Variants in UGT1A8 observed in about 807,000 individuals in gnomAD.
UGT1A8 encodes the protein UDP glucuronosyltransferase family 1 member A8, also known as UDP-glucuronosyltransferase 1A8.
A neutral mutation model predicts 45.3 loss-of-function variants in UGT1A8; 39 were observed. That is an observed-to-expected ratio of 0.86 (90% CI 0.67 to 1.12). UGT1A8 has a LOEUF of 1.12. Ranked by LOEUF, UGT1A8 falls within the 50% of genes most tolerant of loss-of-function variation. The pLI is 0.00. For missense variants in UGT1A8, 719 were observed against 664.9 expected (o/e 1.08, Z -0.90); for synonymous variants, 275 against 249.2 (o/e 1.10, Z -0.97).
In UGT1A8 at chr2:233,745,829, T is replaced by C. The variant is rs1012358577; in HGVS notation, c.856-21205T>C. Among the ~76,000 whole-genome samples, 18 of 151,294 alleles carry C rather than the reference T, an allele frequency of 1.2e-4. 1 individual carries two copies. The highest frequency in any genetic ancestry group is 4.2e-4 in the African/African-American group (17 of 40,760). Reference sequence around the variant, plus strand: ...GAGTTTTGAGAGCAAGGCAGAGGACTCTGAATTTTCTTCTGTGCCCAGGAA... The same window carrying C: ...GAGTTTTGAGAGCAAGGCAGAGGACCCTGAATTTTCTTCTGTGCCCAGGAA... On this transcript the variant is annotated intron_variant, in intron 1 of 4. Coordinates refer to ENST00000373450, the MANE Select transcript of UGT1A8 (RefSeq NM_019076.5).
chr2:233,667,448 T>G (rs555953711), intron 1 of UGT1A8, among the ~76,000 whole-genome samples: 1 of 152,176 alleles, frequency 6.6e-6, no homozygotes, highest in South Asian at 2.1e-4. Context: ...AACCTAGGCA[T>G]TACCATTCAG....
At chr2:233,755,830 A>G (rs534552982) in intron 1 of UGT1A8, 2 of 152,366 alleles carry the variant, frequency 1.3e-5, no homozygotes, top group South Asian at 4.1e-4. Context: ...AGACATATTC[A>G]TTGGGCAATT....
Position 233,769,931 on chromosome 2 carries a change from C to A in UGT1A8, c.1295+1492C>A, listed in dbSNP as rs1699987343. 1 of 247,432 alleles carries A rather than the reference C, an allele frequency of 4.0e-6. No homozygotes were observed. Among genetic ancestry groups the A allele is most frequent in the Admixed American group, 5.3e-5 (1 of 18,974 alleles). The allele number at this position is 247,432 out of a possible 1,614,324, so 15.3% of individuals were successfully genotyped here. A position where few individuals can be genotyped will look rare whatever the true frequency, so the allele number is the denominator to read the frequency against. On this transcript the variant is annotated intron_variant, in intron 4 of 4. Transcript: ENST00000373450. The surrounding 1 kb of genome is among the most constrained non-coding windows in gnomAD (Gnocchi z 4.4). Reference sequence around the variant, plus strand: ...CCCAGAGCGTTGGGTGGTGTGGTCCCATTCCTTCCTTCCAGCGGCTTCTTC... The same window carrying A: ...CCCAGAGCGTTGGGTGGTGTGGTCCAATTCCTTCCTTCCAGCGGCTTCTTC...
intron 1 of UGT1A8, among the ~76,000 whole-genome samples, chr2:233,737,566 A>G (rs560487651): frequency 6.6e-6 from 1 of 152,226 alleles, no homozygotes; most frequent in South Asian, 2.1e-4. Flanking sequence ...GGATGCACCC[A>G]CTATCCAACC....
At chr2:233,721,820 A>T in intron 1 of UGT1A8, 1 of 516,484 alleles carries the variant, frequency 1.9e-6, no homozygotes, top group Admixed American at 1.9e-5. Context: ...CCAGCACCCT[A>T]TTTGGGCCAC....
At chr2:233,764,278 T>C (rs1698524796) in intron 1 of UGT1A8, among the ~76,000 whole-genome samples, 1 of 152,134 alleles carries the variant, frequency 6.6e-6, no homozygotes, top group Admixed American at 6.5e-5. Flanking sequence ...CTTTGGTCAT[T>C]CCGGTAACTG....
chr2:233,638,645 G>A (rs777908879), intron 1 of UGT1A8, among the ~76,000 whole-genome samples: 3 of 152,084 alleles, frequency 2.0e-5, no homozygotes, highest in Non-Finnish European at 4.4e-5. Context: ...GAAACACCTG[G>A]TGTCTCATCT....
At chr2:233,738,529 A>G (rs1383931470) in intron 1 of UGT1A8, among the ~76,000 whole-genome samples, 2 of 152,226 alleles carry the variant, frequency 1.3e-5, no homozygotes, top group African/African-American at 4.8e-5. Context: ...TGGACAATGA[A>G]GTCCAGGCTG....
chr2:233,693,438 A>G (rs774532563), intron 1 of UGT1A8: 1 of 1,614,088 alleles, frequency 6.2e-7, no homozygotes, highest in East Asian at 2.2e-5. Context: ...AGCAAGTTTG[A>G]TGCTCTTTTC....
At chr2:233,724,339 G>T (rs2077227774) in intron 1 of UGT1A8, among the ~76,000 whole-genome samples, 3 of 142,760 alleles carry the variant, frequency 2.1e-5, no homozygotes, top group Non-Finnish European at 3.1e-5. Context: ...GCGGGGGGCT[G>T]ACCCCCCCCA....
chr2:233,618,946 A>G (rs573872510), intron 1 of UGT1A8, among the ~76,000 whole-genome samples: 1 of 152,250 alleles, frequency 6.6e-6, no homozygotes, highest in African/African-American at 2.4e-5. Context: ...TTAGGTGTAT[A>G]TATTTAATTT....
chr2:233,621,899 G>C lies in UGT1A8; in HGVS notation c.855+3337G>C, dbSNP rs187592320. Among the ~76,000 whole-genome samples, 74 of 152,138 alleles carry C rather than the reference G, an allele frequency of 4.9e-4. 1 individual carries two copies. Among genetic ancestry groups the C allele is most frequent in the Admixed American group, 4.8e-3 (74 of 15,270 alleles). ...TTCCTCAGCCCCCCACCCCATGACA[G>C]GCCCCAGTGTGCGATGTTCCCCTCC... On this transcript the variant is annotated intron_variant, in intron 1 of 4. Coordinates refer to ENST00000373450, the MANE Select transcript of UGT1A8 (RefSeq NM_019076.5).
At chr2:233,696,010 C>A (rs1247688377) in intron 1 of UGT1A8, among the ~76,000 whole-genome samples, 1 of 152,132 alleles carries the variant, frequency 6.6e-6, no homozygotes, top group Non-Finnish European at 1.5e-5. Context: ...TCAGGTCCCA[C>A]AGACATGGGG....
intron 1 of UGT1A8, among the ~76,000 whole-genome samples, chr2:233,653,342 G>A (rs377576970): frequency 6.6e-6 from 1 of 152,076 alleles, no homozygotes; most frequent in Admixed American, 6.6e-5. Flanking sequence ...TAAACCCTCA[G>A]GTGTACTAAT....
chr2:233,723,213 CT>C (rs201420005), intron 1 of UGT1A8, among the ~76,000 whole-genome samples: 4,186 of 88,020 alleles, frequency 0.048, 123 homozygotes, highest in African/African-American at 0.1. Context: ...TCAAAACTGA[CT>C]TTTTTTTTTT....
In UGT1A8 at chr2:233,772,291, G is replaced by C; in HGVS notation, c.1325G>C (p.Ser442Thr). Residue 442 changes from serine (S) to threonine (T), a missense_variant, in exon 5 of 5, where the codon AGC becomes ACC. Physicochemically the swap from Ser to Thr is moderately conservative, Grantham distance 58. Transcript: ENST00000373450. ...SYKENIMRLS[S>T]LHKDRPVEPL... ...AAGGAGAACATCATGCGCCTCTCCA[G>C]CCTTCACAAGGACCGCCCGGTGGAG... 1 of 1,614,230 alleles carries C rather than the reference G, an allele frequency of 6.2e-7. No individual in the cohort carries two copies. The highest frequency in any genetic ancestry group is 8.5e-7 in the Non-Finnish European group (1 of 1,180,052).
chr2:233,633,829 G>GT (rs2073232600), intron 1 of UGT1A8, among the ~76,000 whole-genome samples: 1 of 152,074 alleles, frequency 6.6e-6, no homozygotes. Context: ...TCTGATCTTA[G>GT]TTTTTTCTTG....
At chr2:233,759,555 T>TC (rs1410199038) in intron 1 of UGT1A8, among the ~76,000 whole-genome samples, 12 of 152,242 alleles carry the variant, frequency 7.9e-5, no homozygotes, top group Middle Eastern at 6.8e-3. Context: ...CCAGTGAATT[T>TC]CCCTTTCTGG....
At chr2:233,691,705 C>A (rs1249227903) in intron 1 of UGT1A8, 2 of 943,176 alleles carry the variant, frequency 2.1e-6, no homozygotes, top group African/African-American at 1.8e-5. Flanking sequence ...AGGAGTCACT[C>A]CCCTGGCAGA....
Sources: allele counts gnomAD v4.1 joint callset (sites outside exome capture counted in the v4.1 genomes callset), GRCh38; gene constraint gnomAD v4.1.1; non-coding constraint Gnocchi (gnomAD v3.1); transcripts MANE v1.5; gene names NCBI Gene and HGNC (gene_info 2026-07-23, HGNC 2026-07-21).